The following SAMM50 variants were observed in gnomAD, a reference collection of about 807,000 sequenced individuals.
The protein encoded by SAMM50 is sorting and assembly machinery component 50 homolog.
Under a neutral mutation model 66.9 loss-of-function variants are expected in SAMM50, and 47 were observed. That is an observed-to-expected ratio of 0.70 (90% CI 0.56 to 0.90). SAMM50 has a LOEUF of 0.90. Ranked by LOEUF, SAMM50 falls within the 40% of genes least tolerant of loss-of-function variation. The pLI, the probability that SAMM50 is intolerant of heterozygous loss-of-function variation, is 0.00. For missense variants in SAMM50, 535 were observed against 595.3 expected (o/e 0.90, Z 1.05); for synonymous variants, 191 against 214.1 (o/e 0.89, Z 0.94).
chr22:43,981,378 T>G lies in SAMM50; in HGVS notation c.937-13T>G. 1 of 1,610,024 alleles carries G rather than the reference T, an allele frequency of 6.2e-7. No individual in the cohort carries two copies. The highest frequency in any genetic ancestry group is 8.5e-7 in the Non-Finnish European group (1 of 1,176,402). On this transcript the variant is annotated splice_polypyrimidine_tract_variant and intron_variant, in intron 10 of 14. Coordinates refer to ENST00000350028, the MANE Select transcript of SAMM50 (RefSeq NM_015380.5). ...TGCTGGGAGAAAACAACCATTTGTT[T>G]CTATTTGAACAGGTTTTTTCAGCGT...
chr22:43,985,983 C>T (rs77914545), intron 12 of SAMM50, among the ~76,000 whole-genome samples: 1,715 of 149,670 alleles, frequency 0.011, 57 homozygotes, highest in African/African-American at 0.039. Flanking sequence ...TATTCACCTT[C>T]GAACTGAATG....
At chr22:43,989,073 C>A (rs558610676) in intron 12 of SAMM50, 38 bp from the exon 13 acceptor site, 1 of 1,591,348 alleles carries the variant, frequency 6.3e-7, no homozygotes, top group Admixed American at 1.8e-5. Context: ...TTAACCTTGT[C>A]GGACCTTGTT....
intron 3 of SAMM50, among the ~76,000 whole-genome samples, chr22:43,966,413 A>G (rs1289029195): frequency 6.6e-6 from 1 of 151,704 alleles, no homozygotes; most frequent in Non-Finnish European, 1.5e-5. Flanking sequence ...GCTGGAGTGC[A>G]ATGGCGCGAT....
At chr22:43,960,550 G>A (rs574183409) in intron 1 of SAMM50, among the ~76,000 whole-genome samples, 2 of 152,130 alleles carry the variant, frequency 1.3e-5, no homozygotes, top group East Asian at 1.9e-4. Context: ...CCAACATGGC[G>A]AAACCCCGTC....
At chr22:43,956,668 T>C (rs1437707614) in intron 1 of SAMM50, among the ~76,000 whole-genome samples, 3 of 152,172 alleles carry the variant, frequency 2.0e-5, no homozygotes, top group African/African-American at 7.2e-5. Context: ...TTGGACCTCA[T>C]GTTTTTGCTG....
chr22:43,986,078 T>C (rs1021538016), intron 12 of SAMM50, among the ~76,000 whole-genome samples: 4 of 56,038 alleles, frequency 7.1e-5, no homozygotes, highest in African/African-American at 5.9e-4. Context: ...AGTCTTGCTC[T>C]GTTGCCCAGA....
At chr22:43,968,936 G>T in intron 4 of SAMM50, 118 bp downstream of exon 4, 1 of 673,644 alleles carries the variant, frequency 1.5e-6, no homozygotes. Context: ...TGTAGAACCT[G>T]AAAGTTGATC....
intron 12 of SAMM50, among the ~76,000 whole-genome samples, chr22:43,985,739 GT>G: frequency 6.6e-6 from 1 of 152,072 alleles, no homozygotes; most frequent in East Asian, 1.9e-4. Flanking sequence ...GAGCGCAGTT[GT>G]TTGGTCACGT....
chr22:43,961,313 G>C (rs1052293437), intron 1 of SAMM50, among the ~76,000 whole-genome samples: 3 of 152,176 alleles, frequency 2.0e-5, no homozygotes, highest in Admixed American at 1.3e-4. Context: ...CCATCTCTAA[G>C]AGGTGACTGG....
chr22:43,990,291 A>G lies in SAMM50; in HGVS notation c.1249A>G (p.Lys417Glu). The G allele has an allele frequency of 1.2e-6, 2 of 1,614,148 alleles. No individual in the cohort carries two copies. Among genetic ancestry groups the G allele is most frequent in the Non-Finnish European group, 8.5e-7 (1 of 1,180,018 alleles). The change falls in exon 14 of 15, where the codon AAG (lysine) becomes GAG (glutamate). Residue 417 changes from lysine to glutamate, a missense_variant. By Grantham distance (56) the Lys-to-Glu change is moderately conservative. Transcript: ENST00000350028. ...YGEGPKAHIR[K>E]LAECIRWSYG... ...GGAGGGCCCCAAAGCTCATATTCGTAAGCTGGCTGAGTGCATCCGCTGGTC... is the reference window on the plus strand; with the variant it reads ...GGAGGGCCCCAAAGCTCATATTCGTGAGCTGGCTGAGTGCATCCGCTGGTC...
At chr22:43,961,407 A>G (rs2050146592) in intron 1 of SAMM50, among the ~76,000 whole-genome samples, 2 of 152,208 alleles carry the variant, frequency 1.3e-5, no homozygotes, top group African/African-American at 4.8e-5. Context: ...TAAATAGTAT[A>G]TGTTAAATAT....
At chr22:43,992,147 G>T (rs978302741) in intron 14 of SAMM50, among the ~76,000 whole-genome samples, 2 of 152,196 alleles carry the variant, frequency 1.3e-5, no homozygotes, top group African/African-American at 2.4e-5. Flanking sequence ...GTTGTAGTTT[G>T]TGCCAGTTGA....
At position 43,972,925 on chromosome 22, in the gene SAMM50, C is replaced by T; in HGVS notation, c.484C>T (p.Gln162Ter). The change falls in exon 6 of 15, where the codon CAG (glutamine) becomes TAG (stop). Residue 162 changes from glutamine to a stop codon, truncating the protein, a stop_gained. Transcript: ENST00000350028. LOFTEE classifies it high-confidence loss of function. ...TGGTCGTGCAGAAAAGGTGACCTTT[C>T]AGTTTTCCTATGGAACAAAAGAAAC... ...LLGRAEKVTF[Q>*]FSYGTKETSY... The T allele has an allele frequency of 6.2e-7, 1 of 1,603,596 alleles. No individual in the cohort carries two copies. Among genetic ancestry groups the T allele is most frequent in the Non-Finnish European group, 8.5e-7 (1 of 1,177,860 alleles).
intron 1 of SAMM50, chr22:43,957,393 A>G: frequency 2.4e-6 from 1 of 417,358 alleles, no homozygotes; most frequent in East Asian, 4.9e-5. Context: ...TGCTCTTGAA[A>G]AAAAAAAGGC....
At position 43,963,413 on chromosome 22, in the gene SAMM50, A is replaced by C. The variant is rs1401322583; in HGVS notation, c.132+17A>C. The C allele has an allele frequency of 3.4e-6, 5 of 1,484,876 alleles. No individual in the cohort carries two copies. In the African/African-American group the frequency reaches 6.9e-5, roughly 21 times the overall value. 92.0% of individuals were successfully genotyped at this position (1,484,876 alleles called of 1,614,324 possible). On this transcript the variant is annotated intron_variant, in intron 2 of 14. Transcript: ENST00000350028. ...AACAAAGATGTGAGTTTTCTGTTGA[A>C]GGTCTTGATAGAATTGTTAGTGGAA...
intron 3 of SAMM50, among the ~76,000 whole-genome samples, chr22:43,968,272 A>G (rs2050184833): frequency 6.6e-6 from 1 of 151,842 alleles, no homozygotes; most frequent in Non-Finnish European, 1.5e-5. Flanking sequence ...AGAAAAAAAA[A>G]GAAAGTAAAG....
intron 1 of SAMM50, among the ~76,000 whole-genome samples, chr22:43,960,415 C>T (rs1415442056): frequency 6.6e-6 from 1 of 151,974 alleles, no homozygotes. Flanking sequence ...TGAGTACTTC[C>T]GAGGTGCCAG....
At chr22:43,961,747 T>A (rs1490595370) in intron 1 of SAMM50, among the ~76,000 whole-genome samples, 1 of 152,154 alleles carries the variant, frequency 6.6e-6, no homozygotes, top group Non-Finnish European at 1.5e-5. Context: ...TCATTGTGCC[T>A]GGCCTATTAT....
chr22:43,989,527 G>A (rs997173544), intron 13 of SAMM50, among the ~76,000 whole-genome samples: 3 of 151,942 alleles, frequency 2.0e-5, no homozygotes, highest in Non-Finnish European at 4.4e-5. Flanking sequence ...TAGTAGAGAC[G>A]AGATTTCACC....
Sources: gnomAD v4.1 joint callset for allele counts (sites outside exome capture counted in the v4.1 genomes callset) on GRCh38, gnomAD v4.1.1 for gene constraint, MANE v1.5 for transcripts, NCBI Gene and HGNC (gene_info 2026-07-23, HGNC 2026-07-21) for gene names.